Variants in SP2 observed in about 807,000 individuals in gnomAD.
SP2 encodes the protein Sp2 transcription factor, also known as transcription factor Sp2.
In SP2, 9 loss-of-function variants were observed where a neutral mutation model predicts 50.1. The observed-to-expected ratio is 0.18, with a 90% CI of 0.11 to 0.31. The LOEUF is 0.31. Ranked by LOEUF, SP2 falls within the 10% of genes least tolerant of loss-of-function variation. SP2 has a pLI of 1.00. For synonymous variants in SP2, 313 were observed against 326.6 expected (o/e 0.96, Z 0.45); for missense variants, 581 against 806.5 (o/e 0.72, Z 3.39).
Position 47,916,996 on chromosome 17 carries a change from G to A in SP2, c.925G>A (p.Glu309Lys), listed in dbSNP as rs566458130. 17 of 1,614,172 alleles carry A rather than the reference G, an allele frequency of 1.1e-5. No individual in the cohort carries two copies. The highest frequency in any genetic ancestry group is 2.2e-5 in the East Asian group (1 of 44,890). The change falls in exon 3 of 7, where the codon GAG (glutamate) becomes AAG (lysine). Residue 309 changes from glutamate (E) to lysine (K), a missense_variant. Physicochemically the swap from Glu to Lys is moderately conservative, Grantham distance 56. Coordinates refer to ENST00000376741, the MANE Select transcript of SP2 (RefSeq NM_003110.6). This position sits in a 1 kb window ranked among gnomAD's most constrained non-coding sequence, Gnocchi z 4.7. ...QQVQVVPPKA[E>K]QQQVVQIPQQ... ...GGTCCAGGTGGTGCCCCCCAAGGCC[G>A]AGCAGCAGCAGGTGGTACAGATCCC...
At chr17:47,908,613 G>GGCAC (rs995478094) in intron 1 of SP2, 5 of 151,994 alleles carry the variant, frequency 3.3e-5, no homozygotes, top group Non-Finnish European at 7.3e-5. Context: ...GGAGTACAGT[G>GGCAC]GCACGATCTT....
intron 1 of SP2, chr17:47,897,888 A>G (rs2034401863): frequency 1.0e-6 from 1 of 984,368 alleles, no homozygotes; most frequent in Non-Finnish European, 1.2e-6. Context: ...ACAGGCGTTA[A>G]TACCTGTTGG....
intron 3 of SP2, among the ~76,000 whole-genome samples, chr17:47,917,475 C>CTTG (rs1567698591): frequency 1.3e-5 from 2 of 151,808 alleles, no homozygotes; most frequent in African/African-American, 4.8e-5. Context: ...TGAAAACATT[C>CTTG]CAGTTCATAG....
At chr17:47,922,279 C>T (rs1383167906) in intron 3 of SP2, among the ~76,000 whole-genome samples, 2 of 152,172 alleles carry the variant, frequency 1.3e-5, no homozygotes, top group East Asian at 1.9e-4. Flanking sequence ...TACAAATGCC[C>T]TCCTTGTCCT....
intron 3 of SP2, among the ~76,000 whole-genome samples, chr17:47,922,133 A>G (rs1442443886): frequency 6.6e-6 from 1 of 151,854 alleles, no homozygotes; most frequent in Non-Finnish European, 1.5e-5. Flanking sequence ...CACTCCTATT[A>G]TCCTTAACAT....
rs1221606126 is a variant in SP2, at chr17:47,916,102, G to A, written c.85-54G>A. The A allele has an allele frequency of 1.1e-5, 17 of 1,551,020 alleles. No homozygotes were observed. The highest frequency in any genetic ancestry group is 2.2e-5 in the East Asian group (1 of 44,468). On this transcript the variant is annotated intron_variant, in intron 2 of 6. Coordinates refer to ENST00000376741, the MANE Select transcript of SP2 (RefSeq NM_003110.6). This position sits in a 1 kb window ranked among gnomAD's most constrained non-coding sequence, Gnocchi z 4.7. ...GGAGGAGAGGATCATGGACAGAGGC[G>A]GCCGGGCAGCGGGCCTTCCTGTCTC...
chr17:47,901,564 A>G (rs1001828570), intron 1 of SP2, among the ~76,000 whole-genome samples: 8 of 152,332 alleles, frequency 5.3e-5, no homozygotes, highest in African/African-American at 1.9e-4. Context: ...AGAAGCATTA[A>G]TAATGCATAT....
At position 47,912,468 on chromosome 17, in the gene SP2, G is replaced by T. The variant is rs759723536; in HGVS notation, c.8-2844G>T. ...TTTTTTTTTTTTTTTTTATGGAGATGGGATCTTGCTCCATCACCCAGGCTG... is the reference window on the plus strand; with the variant it reads ...TTTTTTTTTTTTTTTTTATGGAGATTGGATCTTGCTCCATCACCCAGGCTG... On this transcript the variant is annotated intron_variant, in intron 1 of 6. Coordinates refer to ENST00000376741, the MANE Select transcript of SP2 (RefSeq NM_003110.6). Among the ~76,000 whole-genome samples, 80 of 149,340 alleles carry T rather than the reference G, an allele frequency of 5.4e-4. 1 individual carries two copies. The highest frequency in any genetic ancestry group is 9.9e-4 in the Non-Finnish European group (67 of 67,508).
Position 47,924,965 on chromosome 17 carries a change from C to T in SP2, c.1419C>T (p.Thr473=). Residue 473 remains threonine, a synonymous_variant, in exon 5 of 7, where the codon ACC becomes ACT. Transcript: ENST00000376741. The part of the protein sequence containing the change: ...TVQNVSGNNL[T]ISGLSPTQIQ... ...AGAATGTTTCTGGGAACAACCTGAC[C>T]ATCAGTGGGCTGAGCCCCACCCAGA... is the stretch of plus-strand genomic sequence containing the variant. 6.2e-7 allele frequency: 1 copy of T among 1,613,196 alleles called. No homozygotes were observed. The highest frequency in any genetic ancestry group is 8.5e-7 in the Non-Finnish European group (1 of 1,179,352).
At position 47,922,932 on chromosome 17, in the gene SP2, C is replaced by A. The variant is rs754077754; in HGVS notation, c.1060-30C>A. 2.5e-6 allele frequency: 4 copies of A among 1,584,196 alleles called. No homozygotes were observed. In the South Asian group the frequency reaches 4.6e-5, roughly 18 times the overall value. On this transcript the variant is annotated intron_variant, in intron 3 of 6. Coordinates refer to ENST00000376741, the MANE Select transcript of SP2 (RefSeq NM_003110.6). ...CCCCAGGAACCTAGTCTCTTCCAGG[C>A]ACTGATTTTTTTTCTCTGGCCCCTC... is the stretch of plus-strand genomic sequence containing the variant.
intron 3 of SP2, among the ~76,000 whole-genome samples, chr17:47,919,410 T>TA (rs922886161): frequency 1.2e-4 from 18 of 150,350 alleles, no homozygotes; most frequent in South Asian, 4.2e-4. Context: ...TGTCTCTATT[T>TA]AAAAAAAAAA....
chr17:47,917,234 G>C, intron 3 of SP2, 104 bp downstream of exon 3: 1 of 1,246,310 alleles, frequency 8.0e-7, no homozygotes, highest in Non-Finnish European at 1.1e-6. Context: ...CTGACCTTGA[G>C]AGTCAGTATC....
At chr17:47,899,117 G>GA in intron 1 of SP2, 1 of 151,978 alleles carries the variant, frequency 6.6e-6, no homozygotes, top group East Asian at 1.9e-4. Context: ...GTTGTAGGAG[G>GA]AAAAAAAGTT....
At chr17:47,926,051 G>A (rs1199601988) in intron 6 of SP2, among the ~76,000 whole-genome samples, 2 of 151,534 alleles carry the variant, frequency 1.3e-5, no homozygotes, top group Admixed American at 1.3e-4. Flanking sequence ...CAAGTAGCTG[G>A]GACTACAGGC....
intron 1 of SP2, among the ~76,000 whole-genome samples, chr17:47,901,241 G>A (rs561638703): frequency 8.0e-5 from 12 of 150,788 alleles, no homozygotes; most frequent in Non-Finnish European, 1.6e-4. Flanking sequence ...TCTGCCTCCC[G>A]GGTTCAAGCG....
intron 1 of SP2, among the ~76,000 whole-genome samples, chr17:47,914,525 C>A (rs935886663): frequency 6.6e-6 from 1 of 152,114 alleles, no homozygotes; most frequent in African/African-American, 2.4e-5. Flanking sequence ...TACTTCCCTC[C>A]CAGTTTTGGC....
At chr17:47,908,629 A>G (rs1199108007) in intron 1 of SP2, 2 of 151,950 alleles carry the variant, frequency 1.3e-5, no homozygotes, top group Non-Finnish European at 2.9e-5. Context: ...ATCTTGGCTC[A>G]TTGCAAAATC....
At chr17:47,926,021 A>G (rs898640292) in intron 6 of SP2, among the ~76,000 whole-genome samples, 4 of 147,082 alleles carry the variant, frequency 2.7e-5, no homozygotes, top group Admixed American at 2.1e-4. Context: ...GGTTCAAGCA[A>G]TTCTCCTGCC....
At chr17:47,905,197 T>C (rs965809702) in intron 1 of SP2, among the ~76,000 whole-genome samples, 3 of 152,250 alleles carry the variant, frequency 2.0e-5, no homozygotes, top group African/African-American at 7.2e-5. Context: ...ATTTGTGAGC[T>C]TTCTTTGAGG....
Sources: gnomAD v4.1 joint callset for allele counts (sites outside exome capture counted in the v4.1 genomes callset) on GRCh38, gnomAD v4.1.1 for gene constraint, Gnocchi (gnomAD v3.1) non-coding constraint, MANE v1.5 for transcripts, NCBI Gene and HGNC (gene_info 2026-07-23, HGNC 2026-07-21) for gene names.